COLQ: variants seen among roughly 807,000 people sequenced by gnomAD.
COLQ encodes the protein acetylcholinesterase collagenic tail peptide.
A neutral mutation model predicts 69.0 loss-of-function variants in COLQ; 48 were observed. The ratio of observed to expected loss-of-function variants is 0.70; its 90% CI spans 0.55 to 0.88. The LOEUF (loss-of-function observed/expected upper bound fraction) is 0.88. Ranked by LOEUF, COLQ falls within the 40% of genes least tolerant of loss-of-function variation. COLQ has a pLI of 0.00. For synonymous variants in COLQ, 217 were observed against 211.2 expected (o/e 1.03, Z -0.24); for missense variants, 618 against 594.6 (o/e 1.04, Z -0.41).
At chr3:15,520,698 C>G (rs2125195856) in intron 1 of COLQ, among the ~76,000 whole-genome samples, 1 of 152,294 alleles carries the variant, frequency 6.6e-6, no homozygotes, top group Admixed American at 6.5e-5. Flanking sequence ...TTAAATAGGC[C>G]ATACTAGTAA....
At chr3:15,494,948 T>C (rs2062724548) in intron 1 of COLQ, among the ~76,000 whole-genome samples, 1 of 152,202 alleles carries the variant, frequency 6.6e-6, no homozygotes, top group South Asian at 2.1e-4. Context: ...ACAGCAACCC[T>C]AAGAGCTAGG....
chr3:15,452,591 C>T (rs985893178), intron 16 of COLQ, among the ~76,000 whole-genome samples: 2 of 151,996 alleles, frequency 1.3e-5, no homozygotes, highest in East Asian at 3.9e-4. Context: ...GGGCTCTACT[C>T]GATCCTGTAC....
chr3:15,494,537 C>G (rs2062717513), intron 1 of COLQ, among the ~76,000 whole-genome samples: 1 of 152,134 alleles, frequency 6.6e-6, no homozygotes, highest in African/African-American at 2.4e-5. Context: ...CTGTGGGAAG[C>G]AGAAAGTACC....
chr3:15,456,560 T>C lies in COLQ; in HGVS notation c.974A>G (p.Gln325Arg). The part of the protein sequence containing the change: ...RVPVIFVVNN[Q>R]EELERLNTQN... The stretch of plus-strand genomic sequence containing the variant: ...GGTGTTCAGCCTCTCAAGCTCCTCC[T>C]GGTTGTTGACCACAAAAATCTGCCA... The change falls in exon 14 of 17, where the codon CAG (glutamine) becomes CGG (arginine). Residue 325 changes from glutamine (Q) to arginine (R), a missense_variant. Transcript: ENST00000383788. 1 of 1,614,130 alleles carries C rather than the reference T, an allele frequency of 6.2e-7. No homozygotes were observed. Among genetic ancestry groups the C allele is most frequent in the Non-Finnish European group, 8.5e-7 (1 of 1,180,022 alleles).
Position 15,466,416 on chromosome 3 carries a change from C to T in COLQ, c.739G>A (p.Val247Ile), listed in dbSNP as rs2062201593. 2 of 1,614,152 alleles carry T rather than the reference C, an allele frequency of 1.2e-6. No individual in the cohort carries two copies. Among genetic ancestry groups the T allele is most frequent in the Non-Finnish European group, 1.7e-6 (2 of 1,180,030 alleles). Residue 247 changes from valine (V) to isoleucine (I), a missense_variant, in exon 12 of 17, where the codon GTT becomes ATT. Val to Ile is a conservative substitution (Grantham distance 29). Transcript: ENST00000383788. ...GKQGQKGDSG[V>I]MGPPGKPGPS... ...CCAGGCTTGCCTGGTGGGCCCATAA[C>T]TCCACTATCCCCTTTCTGTCCCTGA... is the stretch of plus-strand genomic sequence containing the variant.
intron 1 of COLQ, among the ~76,000 whole-genome samples, chr3:15,507,349 T>A (rs1258569836): frequency 6.6e-6 from 1 of 152,210 alleles, no homozygotes. Context: ...GCCTAATTCA[T>A]CTCCAGAAAG....
Position 15,451,029 on chromosome 3 carries a change from C to G in COLQ, c.*615G>C, listed in dbSNP as rs1432032504. The G allele has an allele frequency of 1.9e-5, 3 of 154,844 alleles. No individual in the cohort carries two copies. The highest frequency in any genetic ancestry group is 7.2e-5 in the African/African-American group (3 of 41,428). 9.6% of individuals were successfully genotyped at this position (154,844 alleles called of 1,614,324 possible). A position where few individuals can be genotyped will look rare whatever the true frequency, so the allele number is the denominator to read the frequency against. On this transcript the variant is annotated 3_prime_UTR_variant, in exon 17 of 17. Coordinates refer to ENST00000383788, the MANE Select transcript of COLQ (RefSeq NM_005677.4). Reference sequence around the variant, plus strand: ...CAGGTGGGTTCTCAGTACTTTTTCACAGTTAAGTCTTTTCCTGGGCAGCCA... The same window carrying G: ...CAGGTGGGTTCTCAGTACTTTTTCAGAGTTAAGTCTTTTCCTGGGCAGCCA...
intron 5 of COLQ, 44 bp from the exon 6 acceptor site, chr3:15,477,241 C>A: frequency 6.5e-7 from 1 of 1,528,458 alleles, no homozygotes; most frequent in Non-Finnish European, 8.9e-7. Flanking sequence ...GGGTTTGTTT[C>A]TTTACTTCTA....
chr3:15,451,545 A>G lies in COLQ; in HGVS notation c.*99T>C, dbSNP rs758203590. 9 of 1,112,998 alleles carry G rather than the reference A, an allele frequency of 8.1e-6. No individual in the cohort carries two copies. The allele number at this position is 1,112,998 out of a possible 1,614,324, so 68.9% of individuals were successfully genotyped here. On this transcript the variant is annotated 3_prime_UTR_variant, in exon 17 of 17. Coordinates refer to ENST00000383788, the MANE Select transcript of COLQ (RefSeq NM_005677.4). ...AATTTGTCCTTGTTTTTGTCACACA[A>G]AGGTTGGTGGAGACGGGGCCAGGAC... is the stretch of plus-strand genomic sequence containing the variant.
chr3:15,484,041 C>CT (rs150354937), intron 3 of COLQ, among the ~76,000 whole-genome samples: 2 of 151,414 alleles, frequency 1.3e-5, no homozygotes, highest in Non-Finnish European at 1.5e-5. Flanking sequence ...GCAAGCCGTG[C>CT]TTTTTTTTTG....
At chr3:15,482,162 G>A (rs1262048759) in intron 3 of COLQ, among the ~76,000 whole-genome samples, 1 of 152,196 alleles carries the variant, frequency 6.6e-6, no homozygotes, top group African/African-American at 2.4e-5. Context: ...TCTGCAAACA[G>A]GGACAACTTG....
intron 15 of COLQ, among the ~76,000 whole-genome samples, chr3:15,455,696 G>A (rs2062013785): frequency 6.6e-6 from 1 of 152,226 alleles, no homozygotes; most frequent in South Asian, 2.1e-4. Context: ...CCCCTGGTGA[G>A]GTGCTTGGGT....
At chr3:15,488,137 G>A in intron 3 of COLQ, 69 bp downstream of exon 3, 2 of 1,106,286 alleles carry the variant, frequency 1.8e-6, no homozygotes, top group South Asian at 2.5e-5. Flanking sequence ...GACACTAAGA[G>A]GCTCTGTGCA....
At chr3:15,498,723 T>C (rs1310717481) in intron 1 of COLQ, 8 of 1,539,542 alleles carry the variant, frequency 5.2e-6, no homozygotes, top group Non-Finnish European at 7.0e-6. Context: ...CCTGCTTTGA[T>C]GTTGCTTCTG....
At chr3:15,514,083 G>A (rs1198168822) in intron 1 of COLQ, among the ~76,000 whole-genome samples, 1 of 152,148 alleles carries the variant, frequency 6.6e-6, no homozygotes, top group East Asian at 1.9e-4. Context: ...TGAAAGAAAT[G>A]CAGCTCTAGA....
At chr3:15,488,160 G>T in intron 3 of COLQ, 46 bp downstream of exon 3, 2 of 1,402,138 alleles carry the variant, frequency 1.4e-6, no homozygotes, top group Non-Finnish European at 2.0e-6. Context: ...GGGCTTTCCT[G>T]CTCTAAACAG....
At chr3:15,491,728 A>G (rs2062671186) in intron 1 of COLQ, among the ~76,000 whole-genome samples, 1 of 152,216 alleles carries the variant, frequency 6.6e-6, no homozygotes, top group African/African-American at 2.4e-5. Context: ...AAAAATCAAT[A>G]CAGTGCTCTT....
intron 6 of COLQ, among the ~76,000 whole-genome samples, chr3:15,476,211 T>G (rs944238616): frequency 2.0e-5 from 3 of 152,256 alleles, no homozygotes; most frequent in Non-Finnish European, 4.4e-5. Context: ...ATCCAAAATA[T>G]TTAATCTGTA....
intron 1 of COLQ, among the ~76,000 whole-genome samples, chr3:15,516,020 C>T (rs1190927768): frequency 1.3e-5 from 2 of 152,058 alleles, no homozygotes; most frequent in Non-Finnish European, 2.9e-5. Context: ...GGGAAAGTCT[C>T]CCACCTCTCA....
Sources: allele counts gnomAD v4.1 joint callset (sites outside exome capture counted in the v4.1 genomes callset), GRCh38; gene constraint gnomAD v4.1.1; transcripts MANE v1.5; gene names NCBI Gene and HGNC (gene_info 2026-07-23, HGNC 2026-07-21).